Variants in TOGARAM2 observed in about 807,000 individuals in gnomAD.
TOGARAM2 encodes TOG array regulator of axonemal microtubules 2.
Under a neutral mutation model 93.3 loss-of-function variants are expected in TOGARAM2, and 85 were observed. The ratio of observed to expected loss-of-function variants is 0.91; its 90% CI spans 0.76 to 1.09. The LOEUF (loss-of-function observed/expected upper bound fraction) is 1.09, where lower values mean the gene tolerates loss of function less well. Among genes scored for constraint, TOGARAM2 ranks in the 50% least tolerant of loss-of-function variants. The probability of loss-of-function intolerance (pLI) is 0.00; values close to 1 mark genes in which losing one functional copy is unlikely to be tolerated. For synonymous variants in TOGARAM2, 593 were observed against 552.8 expected, an observed-to-expected ratio of 1.07 and a Z score of -1.02; for missense variants, 1,277 against 1,334.5, an observed-to-expected ratio of 0.96 and a Z score of 0.67.
chr2:29,026,664 G>C (rs1665391153), intron 13 of TOGARAM2, among the ~76,000 whole-genome samples, 189 bp from the exon 14 acceptor site: 1 of 152,216 alleles, frequency 6.6e-6, no homozygotes, highest in African/African-American at 2.4e-5. Flanking sequence ...CGTTGTTGCT[G>C]TCACCCTGTT....
upstream of TOGARAM2, among the ~76,000 whole-genome samples, chr2:28,977,951 G>A (rs1169589297): frequency 6.6e-6 from 1 of 152,078 alleles, no homozygotes; most frequent in East Asian, 1.9e-4. Flanking sequence ...CTGTCATCCA[G>A]GCTGGAGTGC....
intron 9 of TOGARAM2, 108 bp downstream of exon 9, chr2:29,017,412 A>G (rs965430818): frequency 7.1e-6 from 8 of 1,133,370 alleles, no homozygotes; most frequent in Non-Finnish European, 9.5e-6. Context: ...ATTAGTATTT[A>G]TGTATTTATT....
chr2:28,994,775 A>C lies in TOGARAM2; in HGVS notation c.-60A>C. ...CTCCAGACCCCCAAGGACTGTACTC[A>C]CTGCCCAGAAATAGCTGCTGCCTCT... On this transcript the variant is annotated 5_prime_UTR_variant, in exon 2 of 20. Coordinates refer to ENST00000379558, the MANE Select transcript of TOGARAM2 (RefSeq NM_199280.4). The C allele has an allele frequency of 1.9e-6, 3 of 1,541,648 alleles. No individual in the cohort carries two copies. Among genetic ancestry groups the C allele is most frequent in the Non-Finnish European group, 8.8e-7 (1 of 1,138,016 alleles).
At chr2:29,050,691 T>C (rs1180993437) in intron 19 of TOGARAM2, 2 of 152,204 alleles carry the variant, frequency 1.3e-5, no homozygotes, top group Non-Finnish European at 2.9e-5. Flanking sequence ...GCTGTTAGTG[T>C]TGTTTGCCTG....
At position 28,974,125 on chromosome 2, in the gene TOGARAM2, T is replaced by C. The variant is rs1671992049; in HGVS notation, c.-147+17428T>C. Among the ~76,000 whole-genome samples the C allele has an allele frequency of 5.8e-5, 6 of 103,128 alleles. No homozygotes were observed. In the South Asian group the frequency reaches 1.8e-3, roughly 30 times the overall value. The allele number at this position is 103,128 out of a possible 152,430, so 67.7% of individuals were successfully genotyped here. A position where few individuals can be genotyped will look rare whatever the true frequency, so the allele number is the denominator to read the frequency against. ...TTTTCTGAACTTTGATTATAATATA[T>C]CCTTTTTTTTTTTTTTTTCTGAGGC... is the stretch of plus-strand genomic sequence containing the variant. On this transcript the variant is annotated intron_variant, in intron 1 of 6. Transcript: ENST00000401723.
At chr2:28,962,817 T>C (rs1172430269) in intron 1 of TOGARAM2, among the ~76,000 whole-genome samples, 1 of 116,780 alleles carries the variant, frequency 8.6e-6, no homozygotes, top group East Asian at 3.1e-4. Context: ...CCTTCCCTCC[T>C]TCCCTCCTTT....
chr2:29,045,425 C>A lies in TOGARAM2; in HGVS notation c.2722+15C>A, dbSNP rs1003807358. The A allele has an allele frequency of 1.9e-6, 3 of 1,597,418 alleles. No homozygotes were observed. Among genetic ancestry groups the A allele is most frequent in the African/African-American group, 2.7e-5 (2 of 74,564 alleles). On this transcript the variant is annotated intron_variant, in intron 19 of 19. Coordinates refer to ENST00000379558, the MANE Select transcript of TOGARAM2 (RefSeq NM_199280.4). The stretch of plus-strand genomic sequence containing the variant: ...TCGCCTGGCAGGTGAGCACCCCCAG[C>A]CCCACCCCACCCCATCTCCTGGCAG...
rs548665677 is a variant in TOGARAM2, at chr2:28,974,701, C to T, written c.-147+18004C>T. 7.0e-4 allele frequency among the ~76,000 whole-genome samples: 106 copies of T among 152,110 alleles called. 1 individual carries two copies. The highest frequency in any genetic ancestry group is 2.6e-3 in the African/African-American group (106 of 41,482). ...TGATCTTGGCTCACTAAAGCCTCTG[C>T]CTCCCTGGTTCAAGTGATTCTCCTG... is the stretch of plus-strand genomic sequence containing the variant. On this transcript the variant is annotated intron_variant, in intron 1 of 6. Transcript: ENST00000401723.
At chr2:29,000,675 G>T (rs897790114) in intron 4 of TOGARAM2, among the ~76,000 whole-genome samples, 1 of 152,150 alleles carries the variant, frequency 6.6e-6, no homozygotes, top group African/African-American at 2.4e-5. Context: ...CAAGCCTGGG[G>T]TTGTGGTTGG....
intron 4 of TOGARAM2, among the ~76,000 whole-genome samples, chr2:29,001,166 C>T (rs1053278400): frequency 3.3e-5 from 5 of 152,004 alleles, no homozygotes; most frequent in African/African-American, 4.8e-5. Context: ...CAAGGTGGCC[C>T]GGCAAGTGGC....
At chr2:29,004,035 G>A (rs553025480) in intron 6 of TOGARAM2, among the ~76,000 whole-genome samples, 9 of 152,272 alleles carry the variant, frequency 5.9e-5, no homozygotes, top group South Asian at 2.1e-4. Flanking sequence ...TCACTCTGTC[G>A]CCCAGGCTGG....
At chr2:29,043,456 G>A (rs1324416501) in intron 18 of TOGARAM2, among the ~76,000 whole-genome samples, 2 of 152,288 alleles carry the variant, frequency 1.3e-5, no homozygotes, top group South Asian at 2.1e-4. Flanking sequence ...TGGAAAAAGT[G>A]AGACTGGAAA....
chr2:29,039,721 T>C (rs927040944), intron 18 of TOGARAM2, among the ~76,000 whole-genome samples: 4 of 152,224 alleles, frequency 2.6e-5, no homozygotes, highest in African/African-American at 4.8e-5. Flanking sequence ...CTCTCTGGGA[T>C]TGGGGCTCAA....
upstream of TOGARAM2, among the ~76,000 whole-genome samples, chr2:28,978,938 A>C (rs181670872): frequency 1.2e-4 from 19 of 152,320 alleles, no homozygotes; most frequent in Admixed American, 1.2e-3. Context: ...CTCGAGGCTT[A>C]AACAATTTGG....
intron 18 of TOGARAM2, among the ~76,000 whole-genome samples, chr2:29,044,842 CCCTTCACTGA>C (rs1316181424): frequency 2.0e-5 from 3 of 152,076 alleles, no homozygotes; most frequent in African/African-American, 7.2e-5. Context: ...TTAATCCTAA[CCCTTCACTGA>C]CCTTTGTGTA....
intron 19 of TOGARAM2, chr2:29,049,606 G>A (rs6547906): frequency 0.38 from 57,832 of 152,032 alleles, 11,546 homozygotes; most frequent in Admixed American, 0.44. Context: ...GGGCTGACAG[G>A]GACTGCTTTC....
intron 10 of TOGARAM2, among the ~76,000 whole-genome samples, chr2:29,018,861 C>T (rs1055181990): frequency 6.6e-6 from 1 of 152,314 alleles, no homozygotes; most frequent in Admixed American, 6.5e-5. Context: ...GGTGGCACCT[C>T]TCTCTTTAAA....
intron 13 of TOGARAM2, among the ~76,000 whole-genome samples, chr2:29,025,691 A>T (rs535449831): frequency 6.6e-6 from 1 of 152,308 alleles, no homozygotes; most frequent in East Asian, 1.9e-4. Flanking sequence ...ACTCTAGGGG[A>T]CAAAAGGGTC....
At chr2:28,974,334 G>A (rs1198554746) in intron 1 of TOGARAM2, among the ~76,000 whole-genome samples, 1 of 152,112 alleles carries the variant, frequency 6.6e-6, no homozygotes, top group Admixed American at 6.5e-5. Context: ...CACCATGTTG[G>A]TCAGGCTGGT....
Sources: allele counts gnomAD v4.1 joint callset (sites outside exome capture counted in the v4.1 genomes callset), GRCh38; gene constraint gnomAD v4.1.1; transcripts MANE v1.5; gene names NCBI Gene and HGNC (gene_info 2026-07-23, HGNC 2026-07-21).